Variants in SLC25A26 observed in about 807,000 individuals in gnomAD.
SLC25A26 encodes mitochondrial S-adenosylmethionine carrier protein.
A neutral mutation model predicts 37.8 loss-of-function variants in SLC25A26; 36 were observed. The ratio of observed to expected loss-of-function variants is 0.95; its 90% CI spans 0.73 to 1.26. The LOEUF (loss-of-function observed/expected upper bound fraction) is 1.26. Ranked by LOEUF, SLC25A26 falls within the 50% of genes most tolerant of loss-of-function variation. SLC25A26 has a pLI of 0.00. For missense variants in SLC25A26, 390 were observed against 331.1 expected, an observed-to-expected ratio of 1.18 and a Z score of -1.38; for synonymous variants, 129 against 122.5, an observed-to-expected ratio of 1.05 and a Z score of -0.35.
At chr3:66,221,234 T>A (rs938677101) in intron 1 of SLC25A26, 107 bp downstream of exon 1, 8 of 1,234,632 alleles carry the variant, frequency 6.5e-6, no homozygotes, top group African/African-American at 1.6e-5. Context: ...GGCTGGACTG[T>A]CCTCGGGTTA....
At chr3:66,308,798 GATTTTTGTC>G (rs1161372799) in intron 5 of SLC25A26, among the ~76,000 whole-genome samples, 1 of 152,156 alleles carries the variant, frequency 6.6e-6, no homozygotes, top group African/African-American at 2.4e-5. Flanking sequence ...ATAATCATGT[GATTTTTGTC>G]ATTGGTTCTG....
At chr3:66,319,431 C>T (rs544474756) in intron 5 of SLC25A26, among the ~76,000 whole-genome samples, 27 of 152,144 alleles carry the variant, frequency 1.8e-4, no homozygotes, top group African/African-American at 3.6e-4. Context: ...AAACTTCGCG[C>T]GCTTTTATTA....
intron 3 of SLC25A26, among the ~76,000 whole-genome samples, chr3:66,248,428 CTG>C (rs945589852): frequency 2.7e-4 from 41 of 152,300 alleles, no homozygotes; most frequent in African/African-American, 9.6e-4. Context: ...GAAGTAGAAT[CTG>C]TAATTAGATC....
intron 5 of SLC25A26, 91 bp downstream of exon 5, chr3:66,263,470 G>A (rs2073614604): frequency 2.5e-6 from 2 of 796,836 alleles, no homozygotes; most frequent in South Asian, 1.6e-5. Context: ...AAATATATTT[G>A]GAGAAACTTG....
At chr3:66,150,337 A>T (rs2070180929) in intron 1 of SLC25A26, among the ~76,000 whole-genome samples, 1 of 150,666 alleles carries the variant, frequency 6.6e-6, no homozygotes, top group Non-Finnish European at 1.5e-5. Flanking sequence ...GTCTTTACTA[A>T]AAATACAAAA....
At chr3:66,180,216 CG>C (rs1234673311) in intron 1 of SLC25A26, among the ~76,000 whole-genome samples, 1 of 152,178 alleles carries the variant, frequency 6.6e-6, no homozygotes, top group Non-Finnish European at 1.5e-5. Flanking sequence ...GAAAACACTA[CG>C]GGGATACAAC....
intron 1 of SLC25A26, among the ~76,000 whole-genome samples, chr3:66,148,766 C>CG (rs1184131896): frequency 6.6e-5 from 10 of 152,122 alleles, no homozygotes; most frequent in African/African-American, 2.4e-4. Flanking sequence ...AGATGTTGCC[C>CG]AGGCTGGTCT....
At chr3:66,200,232 C>A (rs1458192020) in intron 1 of SLC25A26, among the ~76,000 whole-genome samples, 1 of 152,310 alleles carries the variant, frequency 6.6e-6, no homozygotes, top group African/African-American at 2.4e-5. Flanking sequence ...CAAACTGATT[C>A]TAGCACCCTA....
intron 5 of SLC25A26, among the ~76,000 whole-genome samples, chr3:66,293,722 G>A (rs909215670): frequency 2.0e-5 from 3 of 152,174 alleles, no homozygotes; most frequent in Admixed American, 6.5e-5. Context: ...AAGTGATGTC[G>A]TTTTTTCTTA....
intron 1 of SLC25A26, among the ~76,000 whole-genome samples, chr3:66,192,996 A>C (rs1195397269): frequency 2.0e-5 from 3 of 152,174 alleles, no homozygotes. Flanking sequence ...AATTAGAGAT[A>C]GTAATTAACA....
chr3:66,370,588 A>G lies in SLC25A26; in HGVS notation c.693A>G (p.Ser231=). The G allele has an allele frequency of 2.5e-6, 4 of 1,613,822 alleles. No homozygotes were observed. The highest frequency in any genetic ancestry group is 3.4e-6 in the Non-Finnish European group (4 of 1,179,800). Residue 231 remains serine (S), a synonymous_variant, in exon 9 of 10, where the codon TCA becomes TCG. Coordinates refer to ENST00000354883, the MANE Select transcript of SLC25A26 (RefSeq NM_001379210.1). Reference sequence around the variant, plus strand: ...CTGTCCTGCATGGGGTCTGGCGGTCACAGGGGCTGGCAGGGTAAGACGAGG... The same window carrying G: ...CTGTCCTGCATGGGGTCTGGCGGTCGCAGGGGCTGGCAGGGTAAGACGAGG... ...VLSVLHGVWR[S]QGLAGLFAGV...
intron 3 of SLC25A26, among the ~76,000 whole-genome samples, chr3:66,255,952 A>G (rs1410689175): frequency 6.6e-6 from 1 of 152,158 alleles, no homozygotes; most frequent in African/African-American, 2.4e-5. Flanking sequence ...AGGCTTTTCA[A>G]AGTTTTTCTT....
At chr3:66,251,604 A>T (rs1265187968) in intron 3 of SLC25A26, among the ~76,000 whole-genome samples, 1 of 152,170 alleles carries the variant, frequency 6.6e-6, no homozygotes, top group African/African-American at 2.4e-5. Flanking sequence ...TCAGAACGGG[A>T]GGGTCAGGGC....
At chr3:66,245,626 GTTATA>G (rs1354770642) in intron 3 of SLC25A26, among the ~76,000 whole-genome samples, 1 of 152,160 alleles carries the variant, frequency 6.6e-6, no homozygotes, top group Admixed American at 6.5e-5. Context: ...TAAAAATTGT[GTTATA>G]TTGTGAATTT....
intron 6 of SLC25A26, among the ~76,000 whole-genome samples, chr3:66,357,366 A>T (rs909387538): frequency 1.3e-5 from 2 of 152,204 alleles, no homozygotes; most frequent in African/African-American, 4.8e-5. Flanking sequence ...GTGGGCTGTG[A>T]TCACTTCACT....
chr3:66,297,046 G>A (rs958016976), intron 5 of SLC25A26, among the ~76,000 whole-genome samples: 5 of 152,238 alleles, frequency 3.3e-5, no homozygotes, highest in Admixed American at 2.6e-4. Flanking sequence ...GGCATTGAGC[G>A]AGGTGCGGTG....
At chr3:66,143,626 G>A (rs1237019080) in intron 1 of SLC25A26, among the ~76,000 whole-genome samples, 1 of 152,238 alleles carries the variant, frequency 6.6e-6, no homozygotes, top group Non-Finnish European at 1.5e-5. Flanking sequence ...GTTCACGCCT[G>A]TAATCCCAGG....
At chr3:66,327,875 C>T (rs2075876641) in intron 5 of SLC25A26, among the ~76,000 whole-genome samples, 1 of 139,412 alleles carries the variant, frequency 7.2e-6, no homozygotes, top group Non-Finnish European at 1.5e-5. Context: ...TTTATTATTA[C>T]AAGTAGGGGA....
At chr3:66,219,594 A>G (rs2071415286), upstream of SLC25A26, among the ~76,000 whole-genome samples, 1 of 152,212 alleles carries the variant, frequency 6.6e-6, no homozygotes, top group Admixed American at 6.5e-5. Context: ...AGAGAGAACA[A>G]CATGGGCAAA....
Sources: allele counts gnomAD v4.1 joint callset (sites outside exome capture counted in the v4.1 genomes callset), GRCh38; gene constraint gnomAD v4.1.1; transcripts MANE v1.5; gene names NCBI Gene and HGNC (gene_info 2026-07-23, HGNC 2026-07-21).